Variants in KLHL5 observed in about 807,000 individuals in gnomAD.
KLHL5 encodes the protein kelch like family member 5, also known as kelch-like protein 5.
KLHL5 carries 48 observed loss-of-function variants against 77.7 expected under a neutral mutation model. The observed-to-expected ratio is 0.62, with a 90% confidence interval of 0.49 to 0.79. The LOEUF (loss-of-function observed/expected upper bound fraction) is 0.79. Among genes scored for constraint, KLHL5 ranks in the 30% least tolerant of loss-of-function variants. KLHL5 has a pLI of 0.00. For missense variants in KLHL5, 723 were observed against 859.7 expected, an observed-to-expected ratio of 0.84 and a Z score of 1.99; for synonymous variants, 260 against 297.0, an observed-to-expected ratio of 0.88 and a Z score of 1.28.
chr4:39,091,208 T>G (rs1720518290), intron 5 of KLHL5, among the ~76,000 whole-genome samples: 2 of 151,656 alleles, frequency 1.3e-5, no homozygotes, highest in South Asian at 4.2e-4. Context: ...AGGCTAGTCT[T>G]GAACTCCTGA....
intron 4 of KLHL5, among the ~76,000 whole-genome samples, 186 bp downstream of exon 4, chr4:39,082,345 G>A (rs1167751195): frequency 6.6e-6 from 1 of 152,138 alleles, no homozygotes; most frequent in Non-Finnish European, 1.5e-5. Flanking sequence ...CTTCTCGTGG[G>A]TATCTGAATC....
upstream of KLHL5, among the ~76,000 whole-genome samples, chr4:39,058,036 G>A (rs1018670670): frequency 6.6e-6 from 1 of 152,172 alleles, no homozygotes; most frequent in Non-Finnish European, 1.5e-5. Flanking sequence ...TTTTGAAACA[G>A]AAGTTGCACA....
chr4:39,101,059 GAAGTCCCAAGCATTTAC>G (rs1250579217), intron 6 of KLHL5, among the ~76,000 whole-genome samples: 1 of 148,152 alleles, frequency 6.7e-6, no homozygotes, highest in African/African-American at 2.5e-5. Context: ...ATAAATTAGG[GAAGTCCCAAGCATTTAC>G]ATAAAATTTT....
At chr4:39,110,833 T>C (rs1560439310) in intron 8 of KLHL5, among the ~76,000 whole-genome samples, 1 of 152,176 alleles carries the variant, frequency 6.6e-6, no homozygotes, top group African/African-American at 2.4e-5. Flanking sequence ...TAAGTATATA[T>C]AGGTAGTACA....
rs990932229 is a variant in KLHL5, at chr4:39,126,084, C to T, written c.*5018C>T. ...TGAGGGGAGAGTTAACGGGGAACTT[C>T]CCCACCGTCCGGTACATGGCAGGCA... On this transcript the variant is annotated 3_prime_UTR_variant, in exon 11 of 11. Transcript: ENST00000504108. 1.1e-4 allele frequency among the ~76,000 whole-genome samples: 16 copies of T among 152,142 alleles called. No individual in the cohort carries two copies. The highest frequency in any genetic ancestry group is 3.9e-4 in the African/African-American group (16 of 41,430).
At chr4:39,066,343 C>T (rs943018435) in intron 1 of KLHL5, among the ~76,000 whole-genome samples, 2 of 152,042 alleles carry the variant, frequency 1.3e-5, no homozygotes, top group Admixed American at 1.3e-4. Flanking sequence ...TTTATACTTC[C>T]CTTGATTTAC....
intron 2 of KLHL5, among the ~76,000 whole-genome samples, chr4:39,078,638 T>G (rs1185007254): frequency 2.0e-5 from 3 of 151,950 alleles, no homozygotes; most frequent in African/African-American, 7.3e-5. Flanking sequence ...GAGGTTGCAA[T>G]GAGCCAAGAT....
upstream of KLHL5, among the ~76,000 whole-genome samples, chr4:39,057,875 A>G (rs917310060): frequency 2.0e-5 from 3 of 152,226 alleles, no homozygotes; most frequent in Non-Finnish European, 4.4e-5. Context: ...TAGTTACCAA[A>G]TAGCCATGAT....
At chr4:39,046,722 A>G (rs540285085) in intron 1 of KLHL5, among the ~76,000 whole-genome samples, 3 of 152,346 alleles carry the variant, frequency 2.0e-5, no homozygotes, top group East Asian at 3.9e-4. Flanking sequence ...TAATGAAAAA[A>G]GGAGATATGG....
chr4:39,127,088 C>T (rs2109654621), downstream of KLHL5, among the ~76,000 whole-genome samples: 1 of 152,240 alleles, frequency 6.6e-6, no homozygotes, highest in East Asian at 1.9e-4. Context: ...GCAATCCCAG[C>T]ACTTTGGGAG....
chr4:39,091,791 C>T (rs1453174080), intron 5 of KLHL5, among the ~76,000 whole-genome samples: 4 of 151,126 alleles, frequency 2.6e-5, no homozygotes, highest in African/African-American at 7.3e-5. Context: ...CCACCTCAGC[C>T]TCTCGAGTAG....
At chr4:39,063,667 T>G in intron 1 of KLHL5, 1 of 385,598 alleles carries the variant, frequency 2.6e-6, no homozygotes, top group Non-Finnish European at 5.5e-6. Context: ...TGTGTGCTAT[T>G]TAGGGAAATG....
At chr4:39,077,663 A>G (rs1326501861) in intron 2 of KLHL5, among the ~76,000 whole-genome samples, 1 of 151,186 alleles carries the variant, frequency 6.6e-6, no homozygotes, top group African/African-American at 2.4e-5. Flanking sequence ...ACTACAGAAA[A>G]CAGTGTGGAT....
chr4:39,056,614 T>C (rs981725825), intron 1 of KLHL5, among the ~76,000 whole-genome samples: 1 of 152,198 alleles, frequency 6.6e-6, no homozygotes, highest in Non-Finnish European at 1.5e-5. Context: ...AGATAACCAG[T>C]GTTAACCCAG....
intron 1 of KLHL5, among the ~76,000 whole-genome samples, chr4:39,050,045 A>G (rs1201589711): frequency 1.3e-5 from 2 of 152,134 alleles, no homozygotes; most frequent in African/African-American, 2.4e-5. Flanking sequence ...ACTGCACTTC[A>G]TCCTGGGCGA....
At chr4:39,107,299 G>C (rs1722113041) in intron 7 of KLHL5, among the ~76,000 whole-genome samples, 1 of 151,902 alleles carries the variant, frequency 6.6e-6, no homozygotes. Flanking sequence ...CCTCCCACCT[G>C]GGACTCCCAA....
chr4:39,071,883 T>C (rs1217665038), intron 1 of KLHL5, among the ~76,000 whole-genome samples: 1 of 152,226 alleles, frequency 6.6e-6, no homozygotes, highest in Non-Finnish European at 1.5e-5. Context: ...ATAAAAGATT[T>C]GAATGATCTT....
chr4:39,087,132 A>C (rs1391369204), intron 5 of KLHL5, among the ~76,000 whole-genome samples: 1 of 151,940 alleles, frequency 6.6e-6, no homozygotes. Context: ...GCTGGTCTCA[A>C]ACTCCTGACT....
At chr4:39,139,660 T>C in the KLHL5 span, among the ~76,000 whole-genome samples, 3,991 of 152,260 alleles carry the variant, frequency 0.026, 172 homozygotes, top group African/African-American at 0.089. Context: ...ATGTGAACTC[T>C]GTACCTTCCG....
Sources: gnomAD v4.1 joint callset for allele counts (sites outside exome capture counted in the v4.1 genomes callset) on GRCh38, gnomAD v4.1.1 for gene constraint, MANE v1.5 for transcripts, NCBI Gene and HGNC (gene_info 2026-07-23, HGNC 2026-07-21) for gene names.